Variants in ECSIT observed in about 807,000 individuals in gnomAD.
ECSIT encodes ECSIT signaling integrator.
In ECSIT, 29 loss-of-function variants were observed where a neutral mutation model predicts 36.8. The ratio of observed to expected loss-of-function variants is 0.79; its 90% CI spans 0.59 to 1.08. The LOEUF (loss-of-function observed/expected upper bound fraction) is 1.08, where lower values mean the gene tolerates loss of function less well. Among genes scored for constraint, ECSIT ranks in the 50% least tolerant of loss-of-function variants. The pLI is 0.00. For missense variants in ECSIT, 542 were observed against 581.0 expected, an observed-to-expected ratio of 0.93 and a Z score of 0.69; for synonymous variants, 231 against 234.8, an observed-to-expected ratio of 0.98 and a Z score of 0.15.
chr19:11,514,023 G>A lies in ECSIT; in HGVS notation c.295C>T (p.His99Tyr). 2 of 1,614,236 alleles carry A rather than the reference G, an allele frequency of 1.2e-6. No homozygotes were observed. The highest frequency in any genetic ancestry group is 1.7e-6 in the Non-Finnish European group (2 of 1,180,050). Residue 99 changes from histidine to tyrosine, a missense_variant, in exon 3 of 8, where the codon CAC becomes TAC. His to Tyr is a moderately conservative substitution (Grantham distance 83). Transcript: ENST00000270517. ...FLQTVQKFAE[H>Y]SVRKRGHIDF... is the part of the protein sequence containing the mutation. ...ATGTGGCCCCGCTTACGCACGCTGT[G>A]CTCCGCAAATTTCTGCACCGTCTGC... is the stretch of plus-strand genomic sequence containing the variant.
intron 4 of ECSIT, among the ~76,000 whole-genome samples, chr19:11,511,476 T>TGGGGAACAGTGTTCCTGGCAG (rs1467340498): frequency 1.4e-3 from 206 of 152,146 alleles, no homozygotes; most frequent in African/African-American, 4.7e-3. Context: ...ATGAAGTCCA[T>TGGGGAACAGTGTTCCTGGCAG]GGGGAACAGT....
At chr19:11,522,219 A>T in intron 1 of ECSIT, 1 of 564,696 alleles carries the variant, frequency 1.8e-6, no homozygotes, top group East Asian at 3.1e-5. Context: ...GCTGCGCTAC[A>T]AACTCCCAGA....
At chr19:11,524,992 C>T (rs1017155847) in intron 1 of ECSIT, among the ~76,000 whole-genome samples, 10 of 151,790 alleles carry the variant, frequency 6.6e-5, no homozygotes, top group Admixed American at 6.6e-4. Context: ...CAAAAATTAG[C>T]GGGACAGGGT....
chr19:11,513,168 T>C lies in ECSIT; in HGVS notation c.626A>G (p.Asn209Ser), dbSNP rs1971907713. 6.2e-7 allele frequency: 1 copy of C among 1,614,058 alleles called. No homozygotes were observed. The highest frequency in any genetic ancestry group is 2.2e-5 in the East Asian group (1 of 44,860). The change falls in exon 4 of 8, where the codon AAC (asparagine) becomes AGC (serine). Residue 209 changes from asparagine (N) to serine (S), a missense_variant. Physicochemically the swap from Asn to Ser is conservative, Grantham distance 46 (BLOSUM62 1). Coordinates refer to ENST00000270517, the MANE Select transcript of ECSIT (RefSeq NM_016581.5). The stretch of plus-strand genomic sequence containing the variant: ...CCGGGGCACTGGGAAGGGGTTGACG[T>C]TCATGAATCGAGGGAACCACAGCTT... ...RLKLWFPRFM[N>S]VNPFPVPRDL... is the part of the protein sequence containing the mutation.
chr19:11,513,784 C>G lies in ECSIT; in HGVS notation c.514+20G>C, dbSNP rs370226756. On this transcript the variant is annotated intron_variant, in intron 3 of 7. Coordinates refer to ENST00000270517, the MANE Select transcript of ECSIT (RefSeq NM_016581.5). ...TCAGTGTAGCCCACTCCCCACCCTG[C>G]GCCAGCCTCCTGGCCTCACCGTGGT... The G allele has an allele frequency of 1.2e-5, 20 of 1,613,142 alleles. No individual in the cohort carries two copies. The highest frequency in any genetic ancestry group is 1.7e-5 in the Admixed American group (1 of 59,924).
intron 2 of ECSIT, among the ~76,000 whole-genome samples, chr19:11,516,663 A>G (rs1299851065): frequency 6.8e-6 from 1 of 147,962 alleles, no homozygotes; most frequent in Non-Finnish European, 1.5e-5. Flanking sequence ...TAAAAAATAA[A>G]TGAATGTGTG....
rs765079470 is a variant in ECSIT, at chr19:11,506,380, T to C, written c.1100A>G (p.Gln367Arg). The C allele has an allele frequency of 2.5e-6, 4 of 1,613,562 alleles. No homozygotes were observed. Among genetic ancestry groups the C allele is most frequent in the Non-Finnish European group, 3.4e-6 (4 of 1,179,910 alleles). The stretch of plus-strand genomic sequence containing the variant: ...CTGGATCCACTTAGCCATCGTCGCC[T>C]GGTCATGAGCACCCGCCATGCACAT... ...FAMCMAGAHD[Q>R]ATMAKWIQGL... Residue 367 changes from glutamine (Q) to arginine (R), a missense_variant, in exon 8 of 8, where the codon CAG (glutamine) becomes CGG (arginine). By Grantham distance (43) the Gln-to-Arg change is conservative. Transcript: ENST00000270517.
At chr19:11,510,918 CCTT>C (rs1209367828) in intron 4 of ECSIT, among the ~76,000 whole-genome samples, 2 of 151,952 alleles carry the variant, frequency 1.3e-5, no homozygotes, top group Non-Finnish European at 2.9e-5. Context: ...CAACCCGATT[CCTT>C]CTTCTTAAAT....
intron 3 of ECSIT, 124 bp from the exon 4 acceptor site, chr19:11,513,403 T>G: frequency 3.3e-6 from 3 of 913,562 alleles, no homozygotes; most frequent in East Asian, 2.6e-5. Context: ...TCAGAGAGAA[T>G]TAGAAAGAAA....
chr19:11,508,383 A>ATTTTTTTTTTTTTTTTTTTTTT lies in ECSIT; in HGVS notation c.739-336_739-335insAAAAAAAAAAAAAAAAAAAAAA, dbSNP rs34929827. ...GGGATGATAACAGCACTTAATTCCG[A>ATTTTTTTTTTTTTTTTTTTTTT]TTTTTTTTTTTTTTTTAGGGATGGG... On this transcript the variant is annotated intron_variant, in intron 4 of 7. Transcript: ENST00000270517. 1.5e-3 allele frequency among the ~76,000 whole-genome samples: 188 copies of ATTTTTTTTTTTTTTTTTTTTTT among 124,000 alleles called. 16 individuals carry two copies. Among genetic ancestry groups the ATTTTTTTTTTTTTTTTTTTTTT allele is most frequent in the Middle Eastern group, 8.0e-3 (2 of 250 alleles). 81.3% of individuals were successfully genotyped at this position (124,000 alleles called of 152,430 possible).
chr19:11,520,711 G>A (rs931137874), intron 1 of ECSIT, among the ~76,000 whole-genome samples: 4 of 148,822 alleles, frequency 2.7e-5, no homozygotes, highest in Admixed American at 2.0e-4. Flanking sequence ...ATGGGGTTTC[G>A]CCATGTTGCC....
In ECSIT at chr19:11,506,481, A is replaced by AACC. The variant is rs1345619462; in HGVS notation, c.1052-56_1052-54dup. The stretch of plus-strand genomic sequence containing the variant: ...TTGCACAGTGGGGGCTGCAGCGGCT[A>AACC]ACCCATGCCTACACCTTTTTGAGGT... On this transcript the variant is annotated intron_variant, in intron 7 of 7. Coordinates refer to ENST00000270517, the MANE Select transcript of ECSIT (RefSeq NM_016581.5). 30 of 1,559,760 alleles carry AACC rather than the reference A, an allele frequency of 1.9e-5. No homozygotes were observed. The African/African-American group carries it at 3.7e-4, about 19-fold the overall frequency.
chr19:11,507,210 G>C (rs1463688957), intron 7 of ECSIT, among the ~76,000 whole-genome samples: 1 of 151,946 alleles, frequency 6.6e-6, no homozygotes, highest in Admixed American at 6.6e-5. Context: ...CCTACCCCTT[G>C]ACCCCAGAGG....
chr19:11,521,065 CA>C (rs1317289421), intron 1 of ECSIT, among the ~76,000 whole-genome samples: 1 of 152,308 alleles, frequency 6.6e-6, no homozygotes, highest in East Asian at 1.9e-4. Context: ...CTTGGCCTCC[CA>C]AATTGCTAGG....
At chr19:11,516,667 ATGTG>A (rs761816388) in intron 2 of ECSIT, among the ~76,000 whole-genome samples, 1 of 145,242 alleles carries the variant, frequency 6.9e-6, no homozygotes, top group African/African-American at 2.8e-5. Context: ...AAATAAATGA[ATGTG>A]TGTGTGTTTA....
In ECSIT at chr19:11,508,021, C is replaced by G. The variant is rs1317464868; in HGVS notation, c.766G>C (p.Ala256Pro). ...QVPLPKDSTG[A>P]ADPPQPHIVG... ...ATGTGGGGCTGGGGGGGATCTGCTGCACCTGTTGAGTCTTTGGGCAAAGGA... is the reference window on the plus strand; with the variant it reads ...ATGTGGGGCTGGGGGGGATCTGCTGGACCTGTTGAGTCTTTGGGCAAAGGA... Residue 256 changes from alanine (A) to proline (P), a missense_variant, in exon 5 of 8, where the codon GCA becomes CCA. Physicochemically the swap from Ala to Pro is conservative, Grantham distance 27. Coordinates refer to ENST00000270517, the MANE Select transcript of ECSIT (RefSeq NM_016581.5). 2 of 1,614,168 alleles carry G rather than the reference C, an allele frequency of 1.2e-6. No homozygotes were observed. Among genetic ancestry groups the G allele is most frequent in the East Asian group, 4.5e-5 (2 of 44,884 alleles).
intron 1 of ECSIT, among the ~76,000 whole-genome samples, chr19:11,523,997 T>C (rs1012247159): frequency 1.1e-4 from 17 of 152,080 alleles, no homozygotes; most frequent in Non-Finnish European, 2.4e-4. Flanking sequence ...CATGGCTCAC[T>C]GCAGACTTGA....
chr19:11,529,110 T>C lies in ECSIT; in HGVS notation c.-72A>G, dbSNP rs965696211. On this transcript the variant is annotated 5_prime_UTR_variant, in exon 1 of 8. Coordinates refer to ENST00000270517, the MANE Select transcript of ECSIT (RefSeq NM_016581.5). ...CTCCAGGCCAGCTCTGTCTTGTTGC[T>C]GGGCGCTGCCATATTGGCCCAGAGA... The C allele has an allele frequency of 6.6e-6, 1 of 152,368 alleles. No individual in the cohort carries two copies. The highest frequency in any genetic ancestry group is 6.5e-5 in the Admixed American group (1 of 15,300). 9.4% of individuals were successfully genotyped at this position (152,368 alleles called of 1,614,324 possible).
chr19:11,511,684 G>A (rs987746227), intron 4 of ECSIT, among the ~76,000 whole-genome samples: 4 of 152,084 alleles, frequency 2.6e-5, no homozygotes, highest in Non-Finnish European at 5.9e-5. Flanking sequence ...GCCTTTGAGA[G>A]GAGAGGCACT....
Sources: gnomAD v4.1 joint callset for allele counts (sites outside exome capture counted in the v4.1 genomes callset) on GRCh38, gnomAD v4.1.1 for gene constraint, MANE v1.5 for transcripts, NCBI Gene and HGNC (gene_info 2026-07-23, HGNC 2026-07-21) for gene names.